COX7B2: variants seen among roughly 807,000 people sequenced by gnomAD.
The protein encoded by COX7B2 is cytochrome c oxidase subunit 7B2, mitochondrial.
For synonymous variants in COX7B2, 37 were observed against 32.1 expected, an observed-to-expected ratio of 1.15 and a Z score of -0.51; for missense variants, 109 against 95.9, an observed-to-expected ratio of 1.14 and a Z score of -0.57.
At chr4:46,811,030 T>C (rs1719259090) in intron 2 of COX7B2, among the ~76,000 whole-genome samples, 2 of 152,190 alleles carry the variant, frequency 1.3e-5, no homozygotes, top group Admixed American at 1.3e-4. Context: ...CTAATAGAGA[T>C]TCTCCTATAT....
At chr4:46,834,396 CTAG>C (rs1239353237) in intron 2 of COX7B2, among the ~76,000 whole-genome samples, 1 of 151,906 alleles carries the variant, frequency 6.6e-6, no homozygotes, top group Non-Finnish European at 1.5e-5. Context: ...AATAACTAAA[CTAG>C]TATAGTGCTA....
intron 2 of COX7B2, among the ~76,000 whole-genome samples, chr4:46,747,866 T>C (rs1417235286): frequency 6.6e-6 from 1 of 152,228 alleles, no homozygotes; most frequent in South Asian, 2.1e-4. Context: ...ACCATAAAAT[T>C]TGTCTTTAAC....
chr4:46,828,126 G>A (rs1714821234), intron 2 of COX7B2, among the ~76,000 whole-genome samples: 2 of 152,070 alleles, frequency 1.3e-5, no homozygotes, highest in African/African-American at 4.8e-5. Context: ...AAAACATAAT[G>A]CAAAATGTAA....
intron 2 of COX7B2, among the ~76,000 whole-genome samples, chr4:46,812,433 A>G (rs1408446822): frequency 6.6e-6 from 1 of 151,986 alleles, no homozygotes; most frequent in Admixed American, 6.5e-5. Flanking sequence ...GCTGCAATTC[A>G]GGACCCAGAA....
chr4:46,751,730 C>T (rs1262466301), intron 2 of COX7B2, among the ~76,000 whole-genome samples: 3 of 152,122 alleles, frequency 2.0e-5, no homozygotes, highest in African/African-American at 7.2e-5. Flanking sequence ...AAGACAATTA[C>T]GGTGAGACCA....
intron 2 of COX7B2, among the ~76,000 whole-genome samples, chr4:46,746,199 C>T (rs1322442505): frequency 6.6e-6 from 1 of 152,100 alleles, no homozygotes; most frequent in African/African-American, 2.4e-5. Context: ...TGGTCACTGG[C>T]CATTCATGAC....
At chr4:46,790,925 A>G (rs1718005788) in intron 2 of COX7B2, among the ~76,000 whole-genome samples, 1 of 152,208 alleles carries the variant, frequency 6.6e-6, no homozygotes, top group Non-Finnish European at 1.5e-5. Context: ...ACTTCGGTCC[A>G]TTTCATGAGA....
intron 1 of COX7B2, among the ~76,000 whole-genome samples, chr4:46,905,292 TA>T (rs1376721265): frequency 1.3e-5 from 2 of 152,160 alleles, no homozygotes; most frequent in Non-Finnish European, 2.9e-5. Context: ...AAAACAATAC[TA>T]AAAGAATACA....
At chr4:46,773,837 C>A (rs767330190) in intron 2 of COX7B2, among the ~76,000 whole-genome samples, 1 of 152,040 alleles carries the variant, frequency 6.6e-6, no homozygotes, top group Non-Finnish European at 1.5e-5. Context: ...CTATAGACTG[C>A]CACTTTGAGG....
chr4:46,805,498 A>T (rs1410088864), intron 2 of COX7B2, among the ~76,000 whole-genome samples: 3 of 152,272 alleles, frequency 2.0e-5, no homozygotes, highest in African/African-American at 4.8e-5. Context: ...CCTGCAAGGT[A>T]AATACATCAA....
chr4:46,827,688 A>G (rs1404855155), intron 2 of COX7B2, among the ~76,000 whole-genome samples: 1 of 152,170 alleles, frequency 6.6e-6, no homozygotes, highest in East Asian at 1.9e-4. Context: ...ATTCCAAATA[A>G]CAAGCTGGAT....
rs943181613 is a variant in COX7B2, at chr4:46,788,430, T to C, written c.-49-53189A>G. 5.3e-5 allele frequency among the ~76,000 whole-genome samples: 8 copies of C among 152,234 alleles called. No homozygotes were observed. In the East Asian group the frequency reaches 1.2e-3, roughly 22 times the overall value. ...GCCTTATCTTGTTAAACATATGATA[T>C]TTTTTAACAGCTAGGGGTCATTTCT... On this transcript the variant is annotated intron_variant, in intron 2 of 2. Coordinates refer to ENST00000355591, the MANE Select transcript of COX7B2 (RefSeq NM_130902.3).
At chr4:46,742,189 G>T (rs1156433110) in intron 2 of COX7B2, among the ~76,000 whole-genome samples, 3 of 152,206 alleles carry the variant, frequency 2.0e-5, no homozygotes, top group Admixed American at 6.5e-5. Context: ...TAATACAGGT[G>T]TTCTGCTGTA....
At chr4:46,901,020 C>T (rs1720042633) in intron 1 of COX7B2, among the ~76,000 whole-genome samples, 1 of 152,118 alleles carries the variant, frequency 6.6e-6, no homozygotes, top group Admixed American at 6.6e-5. Context: ...ATTATTACAT[C>T]TTATTATAAT....
chr4:46,878,688 G>A (rs1718508083), intron 1 of COX7B2, among the ~76,000 whole-genome samples: 1 of 152,054 alleles, frequency 6.6e-6, no homozygotes, highest in South Asian at 2.1e-4. Context: ...TTATCTTAAC[G>A]CTCCGTCTTC....
Position 46,825,724 on chromosome 4 carries a change from G to A in COX7B2, c.-50+19236C>T, listed in dbSNP as rs60778441. On this transcript the variant is annotated intron_variant, in intron 2 of 2. Coordinates refer to ENST00000355591, the MANE Select transcript of COX7B2 (RefSeq NM_130902.3). ...AACAGAATAGAGAGCCCAGAAATAA[G>A]GCCACACCCACAACTATCTGATCTT... Among the ~76,000 whole-genome samples, 385 of 151,804 alleles carry A rather than the reference G, an allele frequency of 2.5e-3. 2 individuals carry two copies. Among genetic ancestry groups the A allele is most frequent in the African/African-American group, 8.8e-3 (363 of 41,472 alleles).
intron 1 of COX7B2, among the ~76,000 whole-genome samples, chr4:46,860,891 T>C (rs1369528688): frequency 6.6e-6 from 1 of 152,082 alleles, no homozygotes; most frequent in Non-Finnish European, 1.5e-5. Flanking sequence ...CCCAACGTGG[T>C]CTTTGGGGTT....
intron 1 of COX7B2, chr4:46,904,036 A>G (rs1720228584): frequency 6.6e-6 from 1 of 152,222 alleles, no homozygotes; most frequent in South Asian, 2.1e-4. Context: ...GGTGAGCTGT[A>G]TCTCTATCAT....
intron 2 of COX7B2, among the ~76,000 whole-genome samples, chr4:46,819,188 A>G (rs1714089865): frequency 6.6e-6 from 1 of 152,186 alleles, no homozygotes; most frequent in Non-Finnish European, 1.5e-5. Flanking sequence ...ATGCAAAAAA[A>G]TCTATAAAAT....
Sources: gnomAD v4.1 joint callset for allele counts (sites outside exome capture counted in the v4.1 genomes callset) on GRCh38, gnomAD v4.1.1 for gene constraint, MANE v1.5 for transcripts, NCBI Gene and HGNC (gene_info 2026-07-23, HGNC 2026-07-21) for gene names.